The following ANO3 variants were observed in gnomAD, a reference collection of about 807,000 sequenced individuals.
ANO3 encodes the protein anoctamin-3.
In ANO3, 99 loss-of-function variants were observed where a neutral mutation model predicts 144.8. The ratio of observed to expected loss-of-function variants is 0.68; its 90% CI spans 0.58 to 0.81. ANO3 has a LOEUF of 0.81. ANO3 is among the 30% of genes least tolerant of loss of function. The probability of loss-of-function intolerance (pLI) is 0.00; values close to 1 mark genes in which losing one functional copy is unlikely to be tolerated. For missense variants in ANO3, 905 were observed against 1,202.2 expected (o/e 0.75, Z 3.66); for synonymous variants, 414 against 392.6 (o/e 1.05, Z -0.64).
chr11:26,499,209 G>T (rs1396875729), intron 4 of ANO3, among the ~76,000 whole-genome samples: 1 of 151,718 alleles, frequency 6.6e-6, no homozygotes, highest in Non-Finnish European at 1.5e-5. Flanking sequence ...TTTATTGGTT[G>T]TATTCATAAA....
At chr11:26,630,200 A>T (rs1206336430) in intron 18 of ANO3, among the ~76,000 whole-genome samples, 7 of 152,200 alleles carry the variant, frequency 4.6e-5, no homozygotes, top group African/African-American at 1.7e-4. Flanking sequence ...CCACAAATAA[A>T]TGTGTTGAAT....
chr11:26,529,613 C>A (rs1165557088), intron 7 of ANO3, among the ~76,000 whole-genome samples: 1 of 148,052 alleles, frequency 6.8e-6, no homozygotes, highest in African/African-American at 2.5e-5. Flanking sequence ...ATTTAACACT[C>A]CTCTAGGAAA....
intron 4 of ANO3, among the ~76,000 whole-genome samples, chr11:26,473,094 G>A (rs1859840757): frequency 6.6e-6 from 1 of 151,780 alleles, no homozygotes; most frequent in Non-Finnish European, 1.5e-5. Context: ...TATACCATTT[G>A]TTCTTTAACT....
chr11:26,397,659 G>A (rs979684152), intron 1 of ANO3, among the ~76,000 whole-genome samples: 12 of 152,072 alleles, frequency 7.9e-5, no homozygotes, highest in African/African-American at 1.2e-4. Context: ...GGTGATTGGC[G>A]TATTCATCTT....
intron 14 of ANO3, among the ~76,000 whole-genome samples, chr11:26,578,086 A>G (rs553938204): frequency 1.3e-4 from 20 of 152,356 alleles, no homozygotes; most frequent in Admixed American, 8.5e-4. Context: ...ATAGAGATCA[A>G]AGAACTGAGA....
chr11:26,272,846 ACT>A (rs1409988497), intron 1 of ANO3, among the ~76,000 whole-genome samples: 2 of 152,080 alleles, frequency 1.3e-5, no homozygotes, highest in African/African-American at 4.8e-5. Context: ...GGATAGGGTA[ACT>A]CTGCTTTGTA....
chr11:26,191,363 T>C (rs372121364), intron 1 of ANO3, among the ~76,000 whole-genome samples: 2,147 of 144,636 alleles, frequency 0.015, 38 homozygotes, highest in East Asian at 0.1. Context: ...CACACACACA[T>C]ATATATATTT....
At chr11:26,406,996 GTATATATATAGGTGTGTA>G (rs1181200230) in intron 1 of ANO3, among the ~76,000 whole-genome samples, 5 of 140,140 alleles carry the variant, frequency 3.6e-5, no homozygotes, top group Non-Finnish European at 1.5e-5. Context: ...TTATAGGTGT[GTATATATATAGGTGTGTA>G]TATATATATA....
intron 1 of ANO3, among the ~76,000 whole-genome samples, chr11:26,386,548 A>G (rs912069989): frequency 5.3e-5 from 8 of 152,234 alleles, no homozygotes; most frequent in African/African-American, 1.9e-4. Context: ...CAGGTAATGT[A>G]TATTCGCATC....
upstream of ANO3, chr11:26,332,033 GA>G: frequency 8.1e-7 from 1 of 1,238,656 alleles, no homozygotes; most frequent in Non-Finnish European, 1.1e-6. Flanking sequence ...ACGCGCGGGG[GA>G]TGCGGGGTTG....
chr11:26,342,400 A>C (rs532581513), intron 1 of ANO3, among the ~76,000 whole-genome samples: 38 of 152,270 alleles, frequency 2.5e-4, no homozygotes, highest in Admixed American at 7.2e-4. Context: ...TGCCTTCTGA[A>C]GGGGCTAAAG....
intron 5 of ANO3, among the ~76,000 whole-genome samples, chr11:26,514,587 T>C (rs1361328949): frequency 6.6e-6 from 1 of 152,100 alleles, no homozygotes; most frequent in Non-Finnish European, 1.5e-5. Flanking sequence ...TGCTTTTTCA[T>C]TTATAGCATG....
chr11:26,241,146 G>A (rs2133811097), intron 1 of ANO3, among the ~76,000 whole-genome samples: 1 of 152,216 alleles, frequency 6.6e-6, no homozygotes, highest in East Asian at 1.9e-4. Flanking sequence ...CTCTTTGCCT[G>A]TCACATACAT....
At chr11:26,300,861 T>C (rs1037381566) in intron 1 of ANO3, among the ~76,000 whole-genome samples, 10 of 148,800 alleles carry the variant, frequency 6.7e-5, no homozygotes, top group African/African-American at 2.2e-4. Flanking sequence ...TTTTCTTTTT[T>C]TTTTTTTTTT....
chr11:26,545,356 T>C (rs1023036247), intron 11 of ANO3, among the ~76,000 whole-genome samples: 4 of 152,072 alleles, frequency 2.6e-5, no homozygotes, highest in African/African-American at 9.7e-5. Flanking sequence ...ATTCCTTTTG[T>C]ATATAAATAA....
In ANO3 at chr11:26,598,461, A is replaced by G; in HGVS notation, c.1530+14A>G. The G allele has an allele frequency of 6.5e-7, 1 of 1,539,682 alleles. No homozygotes were observed. Among genetic ancestry groups the G allele is most frequent in the Middle Eastern group, 1.7e-4 (1 of 5,860 alleles). ...GAAGAAGAGGAGGTAAGATGTTAGG[A>G]TACAAGGAAATAGGGAAACTGGGCT... On this transcript the variant is annotated intron_variant, in intron 15 of 26. Coordinates refer to ENST00000256737, the MANE Select transcript of ANO3 (RefSeq NM_031418.4).
At chr11:26,552,215 A>C (rs1030798871) in intron 12 of ANO3, among the ~76,000 whole-genome samples, 3 of 152,052 alleles carry the variant, frequency 2.0e-5, no homozygotes, top group Non-Finnish European at 2.9e-5. Context: ...GTAAAGCATC[A>C]TGTTACTATG....
In ANO3 at chr11:26,537,421, T is replaced by C. The variant is rs751447376; in HGVS notation, c.992T>C (p.Ile331Thr). 1 of 1,613,762 alleles carries C rather than the reference T, an allele frequency of 6.2e-7. No homozygotes were observed. The highest frequency in any genetic ancestry group is 8.5e-7 in the Non-Finnish European group (1 of 1,179,610). The change falls in exon 10 of 27, where the codon ATA (isoleucine) becomes ACA (threonine). Residue 331 changes from isoleucine (I) to threonine (T), a missense_variant. Physicochemically the swap from Ile to Thr is moderately conservative, Grantham distance 89 (BLOSUM62 -1). This residue lies in a region of ANO3 where 597 missense variants were observed against 865.1 expected (regional missense o/e 0.69). Transcript: ENST00000256737. ...CTCTTTGCAGGTATCCGTAAACTTA[T>C]AAACAATGGCTCATACATAGCAGCG... Reference protein sequence around the residue: ...GISKVGIRKLINNGSYIAAFP... With the variant: ...GISKVGIRKLTNNGSYIAAFP...
At chr11:26,268,247 G>C (rs754466185) in intron 1 of ANO3, among the ~76,000 whole-genome samples, 2 of 152,102 alleles carry the variant, frequency 1.3e-5, no homozygotes, top group African/African-American at 4.8e-5. Context: ...GATCTTGTTC[G>C]AAAGAAAGTC....
Sources: gnomAD v4.1 joint callset for allele counts (sites outside exome capture counted in the v4.1 genomes callset) on GRCh38, gnomAD v4.1.1 for gene constraint, gnomAD v4.1.1 regional missense constraint, MANE v1.5 for transcripts, NCBI Gene and HGNC (gene_info 2026-07-23, HGNC 2026-07-21) for gene names.